The following TAF6 variants were observed in gnomAD, a reference collection of about 807,000 sequenced individuals.
TAF6 encodes transcription initiation factor TFIID subunit 6.
TAF6 carries 50 observed loss-of-function variants against 73.5 expected under a neutral mutation model. That is an observed-to-expected ratio of 0.68 (90% CI 0.54 to 0.86). The LOEUF is 0.86. Among genes scored for constraint, TAF6 ranks in the 40% least tolerant of loss-of-function variants. The pLI is 0.00. For synonymous variants in TAF6, 424 were observed against 376.7 expected, an observed-to-expected ratio of 1.13 and a Z score of -1.45; for missense variants, 768 against 899.5, an observed-to-expected ratio of 0.85 and a Z score of 1.87.
At chr7:100,119,045 C>G in intron 1 of TAF6, 159 bp downstream of exon 1, 1 of 985,794 alleles carries the variant, frequency 1.0e-6, no homozygotes, top group Non-Finnish European at 1.2e-6. Flanking sequence ...GAAGGCGTCC[C>G]AGGGAAGGGT....
At position 100,107,536 on chromosome 7, in the gene TAF6, C is replaced by A. The variant is rs758662299; in HGVS notation, c.1744G>T (p.Val582Phe). ...TTTVPSVQPIVKLVSTATTAP... is the reference protein window; with the variant it reads ...TTTVPSVQPIFKLVSTATTAP... ...GTGGTGGCGGTGGAGACCAACTTGA[C>A]GATGGGCTGCACGCTGGGGACGGTG... The change falls in exon 15 of 15, where the codon GTC becomes TTC. Residue 582 changes from valine (V) to phenylalanine (F), a missense_variant. Physicochemically the swap from Val to Phe is conservative, Grantham distance 50. Transcript: ENST00000453269. 5 of 1,613,938 alleles carry A rather than the reference C, an allele frequency of 3.1e-6. No individual in the cohort carries two copies. The highest frequency in any genetic ancestry group is 4.2e-6 in the Non-Finnish European group (5 of 1,179,966).
chr7:100,119,518 T>G, upstream of TAF6: 1 of 1,343,210 alleles, frequency 7.4e-7, no homozygotes, highest in Admixed American at 2.9e-5. Flanking sequence ...TTACTGCAAT[T>G]TATTCCTTCA....
At position 100,113,380 on chromosome 7, in the gene TAF6, G is replaced by A; in HGVS notation, c.423C>T (p.Cys141=). The A allele has an allele frequency of 6.3e-7, 1 of 1,596,134 alleles. No individual in the cohort carries two copies. Among genetic ancestry groups the A allele is most frequent in the Non-Finnish European group, 8.5e-7 (1 of 1,170,722 alleles). Residue 141 remains cysteine (C), a synonymous_variant, in exon 5 of 15, where the codon TGC becomes TGT. Transcript: ENST00000453269. ...GCGGGTTCTCGGGGATAGCTGGCTG[G>A]CAGCCCTCGATGCTCAGCCAATGAG... The part of the protein sequence containing the change: ...LKAHWLSIEG[C]QPAIPENPPP...
In TAF6 at chr7:100,110,254, C is replaced by T. The variant is rs1364551257; in HGVS notation, c.1104G>A (p.Thr368=). ...TFTKSWVDEK[T]PWTTRYGSIA... ...TGGAGCCATAACGAGTCGTCCAGGGCGTCTTCTCGTCCACCCAGCTCTGTA... is the reference window on the plus strand; with the variant it reads ...TGGAGCCATAACGAGTCGTCCAGGGTGTCTTCTCGTCCACCCAGCTCTGTA... The change falls in exon 11 of 15, where the codon ACG becomes ACA. Residue 368 remains threonine, a synonymous_variant. Transcript: ENST00000453269. 1.7e-5 allele frequency: 27 copies of T among 1,613,978 alleles called. No individual in the cohort carries two copies. The highest frequency in any genetic ancestry group is 8.9e-5 in the East Asian group (4 of 44,896).
chr7:100,111,509 T>C (rs1017264282), intron 9 of TAF6, among the ~76,000 whole-genome samples, 188 bp from the exon 10 acceptor site: 13 of 152,166 alleles, frequency 8.5e-5, no homozygotes, highest in African/African-American at 2.9e-4. Flanking sequence ...TGCACCACCA[T>C]GCCTGGCTAA....
At chr7:100,126,555 G>C in the TAF6 span, 1 of 152,318 alleles carries the variant, frequency 6.6e-6, no homozygotes, top group Non-Finnish European at 1.5e-5. Context: ...AGCACTTCAG[G>C]AGACCAAGAC....
In TAF6 at chr7:100,113,859, C is replaced by T. The variant is rs1302434950; in HGVS notation, c.243+9G>A. The T allele has an allele frequency of 1.2e-6, 2 of 1,613,838 alleles. No homozygotes were observed. Among genetic ancestry groups the T allele is most frequent in the Admixed American group, 3.3e-5 (2 of 59,972 alleles). ...TCTCACCCCCCCCCCGCCTGTCTCCCCAAATCACCTCGACATTCTTTAGCT... is the reference window on the plus strand; with the variant it reads ...TCTCACCCCCCCCCCGCCTGTCTCCTCAAATCACCTCGACATTCTTTAGCT... On this transcript the variant is annotated intron_variant, in intron 3 of 14. Transcript: ENST00000453269.
upstream of TAF6, chr7:100,122,306 GGTC>G: frequency 6.3e-7 from 1 of 1,599,012 alleles, no homozygotes; most frequent in Non-Finnish European, 8.5e-7. Flanking sequence ...GAGTCGCACC[GGTC>G]GATCTCGAGA....
At chr7:100,126,176 A>C in the TAF6 span, among the ~76,000 whole-genome samples, 1 of 151,188 alleles carries the variant, frequency 6.6e-6, no homozygotes, top group Admixed American at 6.6e-5. Context: ...ATAGAGCGAG[A>C]CTCCGTCTCA....
intron 1 of TAF6, among the ~76,000 whole-genome samples, chr7:100,117,172 G>A (rs1195526217): frequency 1.3e-5 from 2 of 151,976 alleles, no homozygotes; most frequent in African/African-American, 4.8e-5. Flanking sequence ...CTTGAACCCA[G>A]GAGGTGGAGG....
chr7:100,110,350 C>CA, intron 10 of TAF6, 76 bp from the exon 11 acceptor site: 3 of 1,495,344 alleles, frequency 2.0e-6, no homozygotes, highest in Non-Finnish European at 2.8e-6. Context: ...CTTTCATAGA[C>CA]ACTTTCCTTG....
upstream of TAF6, among the ~76,000 whole-genome samples, chr7:100,120,683 A>G (rs931610172): frequency 1.3e-5 from 2 of 152,100 alleles, no homozygotes; most frequent in African/African-American, 4.8e-5. Flanking sequence ...AACAGACTTA[A>G]TCACCTAATT....
chr7:100,112,145 G>C lies in TAF6; in HGVS notation c.683C>G (p.Thr228Ser). 6.2e-7 allele frequency: 1 copy of C among 1,614,002 alleles called. No individual in the cohort carries two copies. Among genetic ancestry groups the C allele is most frequent in the Non-Finnish European group, 8.5e-7 (1 of 1,179,948 alleles). The part of the protein sequence containing the change: ...VEQQLYYKEI[T>S]EACVGSCEAK... ...CTCGCAGGAGCCCACGCAGGCCTCG[G>C]TGATCTCCTTGTAGTAGAGCTGCTG... The change falls in exon 7 of 15, where the codon ACC (threonine) becomes AGC (serine). Residue 228 changes from threonine to serine, a missense_variant. Physicochemically the swap from Thr to Ser is moderately conservative, Grantham distance 58 (BLOSUM62 1). This residue lies in a region of TAF6 where 78 missense variants were observed against 153.4 expected (regional missense o/e 0.51). Transcript: ENST00000453269.
intron 1 of TAF6, chr7:100,114,660 C>T: frequency 2.9e-6 from 1 of 344,870 alleles, no homozygotes; most frequent in Non-Finnish European, 5.3e-6. Flanking sequence ...GCAGAGGTTG[C>T]AGTGAGCCGA....
chr7:100,107,687 AG>A (rs1317611279), intron 14 of TAF6, 64 bp from the exon 15 acceptor site: 1 of 1,576,740 alleles, frequency 6.3e-7, no homozygotes, highest in African/African-American at 1.4e-5. Context: ...AGGCCTGGCG[AG>A]GACGCTTCAC....
chr7:100,113,036 G>A (rs935134582), intron 5 of TAF6, 119 bp from the exon 6 acceptor site: 44 of 1,403,882 alleles, frequency 3.1e-5, no homozygotes, highest in South Asian at 6.8e-5. Context: ...AGGCCAAGGC[G>A]GGTGGATCAC....
chr7:100,113,613 A>G lies in TAF6; in HGVS notation c.397+3T>C. The G allele has an allele frequency of 6.2e-7, 1 of 1,613,632 alleles. No individual in the cohort carries two copies. The highest frequency in any genetic ancestry group is 8.5e-7 in the Non-Finnish European group (1 of 1,179,820). ...CTGCCACCCTGCTCTCCCCTCCCCCAACCTTTGAGGCAGACGTCCAGGGGC... is the reference window on the plus strand; with the variant it reads ...CTGCCACCCTGCTCTCCCCTCCCCCGACCTTTGAGGCAGACGTCCAGGGGC... On this transcript the variant is annotated splice_donor_region_variant and intron_variant, in intron 4 of 14. Transcript: ENST00000453269.
At chr7:100,118,987 A>G in intron 1 of TAF6, 4 of 985,428 alleles carry the variant, frequency 4.1e-6, no homozygotes, top group Non-Finnish European at 4.8e-6. Flanking sequence ...AAAGGCTCAT[A>G]AAACACGCTA....
chr7:100,117,808 C>G (rs1485884737), intron 1 of TAF6, among the ~76,000 whole-genome samples: 1 of 150,532 alleles, frequency 6.6e-6, no homozygotes, highest in Non-Finnish European at 1.5e-5. Flanking sequence ...TTTGGGAGGC[C>G]GAGGCGGGCG....
Sources: gnomAD v4.1 joint callset for allele counts (sites outside exome capture counted in the v4.1 genomes callset) on GRCh38, gnomAD v4.1.1 for gene constraint, gnomAD v4.1.1 regional missense constraint, MANE v1.5 for transcripts, NCBI Gene and HGNC (gene_info 2026-07-23, HGNC 2026-07-21) for gene names.